COL4A4: variants seen among roughly 807,000 people sequenced by gnomAD.
COL4A4 encodes collagen alpha-4(IV) chain.
A neutral mutation model predicts 192.9 loss-of-function variants in COL4A4; 105 were observed. The ratio of observed to expected loss-of-function variants is 0.54; its 90% CI spans 0.46 to 0.64. The LOEUF (loss-of-function observed/expected upper bound fraction) is 0.64, where lower values mean the gene tolerates loss of function less well. Ranked by LOEUF, COL4A4 falls within the 30% of genes least tolerant of loss-of-function variation. The pLI is 0.00. For missense variants in COL4A4, 1,967 were observed against 2,169.3 expected, an observed-to-expected ratio of 0.91 and a Z score of 1.85; for synonymous variants, 762 against 769.9, an observed-to-expected ratio of 0.99 and a Z score of 0.17.
At chr2:227,060,115 A>AAAAAAC (rs756350276) in intron 27 of COL4A4, 21 bp downstream of exon 27, 4 of 1,305,998 alleles carry the variant, frequency 3.1e-6, no homozygotes, top group South Asian at 2.6e-5. Flanking sequence ...AAAAAAAAAA[A>AAAAAAC]AAAAAAAAAA....
the COL4A4 span, among the ~76,000 whole-genome samples, chr2:226,981,505 AGCACACACTCATGCAAACACATGCAG>A: frequency 1.3e-5 from 2 of 151,862 alleles, no homozygotes; most frequent in Non-Finnish European, 2.9e-5. Context: ...AGCACACACA[AGCACACACTCATGCAAACACATGCAG>A]GCACACACAT....
rs75165562 is a variant in COL4A4, at chr2:227,055,243, G to A, written c.2717-506C>T. Among the ~76,000 whole-genome samples, 349 of 152,110 alleles carry A rather than the reference G, an allele frequency of 2.3e-3. 3 individuals are homozygous for A. The highest frequency in any genetic ancestry group is 7.1e-3 in the African/African-American group (293 of 41,458). On this transcript the variant is annotated intron_variant, in intron 30 of 47. Coordinates refer to ENST00000396625, the MANE Select transcript of COL4A4 (RefSeq NM_000092.5). Reference sequence around the variant, plus strand: ...TTAGTAGCTGGGCTCAGTTGGGCACGGTGACTCAGACCTGCAATCCTGGCA... The same window carrying A: ...TTAGTAGCTGGGCTCAGTTGGGCACAGTGACTCAGACCTGCAATCCTGGCA...
At chr2:227,080,641 T>G in intron 23 of COL4A4, 92 bp from the exon 24 acceptor site, 1 of 1,128,296 alleles carries the variant, frequency 8.9e-7, no homozygotes, top group South Asian at 1.3e-5. Context: ...TGACCTTGAT[T>G]CTGGGTTGGT....
intron 44 of COL4A4, among the ~76,000 whole-genome samples, chr2:227,016,675 G>A (rs561687312): frequency 2.2e-4 from 34 of 152,234 alleles, no homozygotes; most frequent in South Asian, 1.2e-3. Flanking sequence ...GCCTGCCTGA[G>A]AGTGTCCCCT....
chr2:227,060,898 T>G (rs1261716676), intron 26 of COL4A4, among the ~76,000 whole-genome samples: 1 of 152,060 alleles, frequency 6.6e-6, no homozygotes, highest in Non-Finnish European at 1.5e-5. Context: ...TGGCTAATTT[T>G]TTATGTTTTT....
rs762038061 is a variant in COL4A4, at chr2:227,043,189, A to G, written c.3290-5T>C. 1 of 1,612,122 alleles carries G rather than the reference A, an allele frequency of 6.2e-7. No homozygotes were observed. Among genetic ancestry groups the G allele is most frequent in the Admixed American group, 1.7e-5 (1 of 60,018 alleles). ...CTCCGGATGCTCCAAAATGCCCTAA[A>G]GAAGGAAAGATCAAACATCAGAGTT... On this transcript the variant is annotated splice_polypyrimidine_tract_variant and splice_region_variant and intron_variant, in intron 35 of 47. Coordinates refer to ENST00000396625, the MANE Select transcript of COL4A4 (RefSeq NM_000092.5).
chr2:227,061,504 C>T (rs141464298), intron 26 of COL4A4, among the ~76,000 whole-genome samples: 7 of 152,340 alleles, frequency 4.6e-5, no homozygotes, highest in African/African-American at 1.2e-4. Context: ...TAACTTGGAG[C>T]TACACTCTAA....
At position 227,003,495 on chromosome 2, in the gene COL4A4, C is replaced by G. The variant is rs1158179501; in HGVS notation, c.*3830G>C. The G allele has an allele frequency of 6.6e-6, 1 of 152,156 alleles. No homozygotes were observed. Among genetic ancestry groups the G allele is most frequent in the African/African-American group, 2.4e-5 (1 of 41,428 alleles). The allele number at this position is 152,156 out of a possible 1,614,324, so 9.4% of individuals were successfully genotyped here. A position where few individuals can be genotyped will look rare whatever the true frequency, so the allele number is the denominator to read the frequency against. ...TCTTTCCACTATTCTTGCAGCCATA[C>G]CAAGTAAAAGTAACAATTATCAGAT... On this transcript the variant is annotated 3_prime_UTR_variant, in exon 48 of 48. Transcript: ENST00000396625.
At chr2:226,997,476 C>T in the COL4A4 span, 2 of 152,182 alleles carry the variant, frequency 1.3e-5, no homozygotes, top group African/African-American at 4.8e-5. Flanking sequence ...TGTAATGAGG[C>T]CTGAGTCTTA....
chr2:227,156,862 A>G lies in COL4A4; in HGVS notation c.-102+7145T>C, dbSNP rs186750259. Among the ~76,000 whole-genome samples the G allele has an allele frequency of 2.1e-3, 321 of 152,320 alleles. 2 individuals are homozygous for G. Among genetic ancestry groups the G allele is most frequent in the African/African-American group, 7.3e-3 (304 of 41,580 alleles). On this transcript the variant is annotated intron_variant, in intron 1 of 47. Coordinates refer to ENST00000396625, the MANE Select transcript of COL4A4 (RefSeq NM_000092.5). Reference sequence around the variant, plus strand: ...GAAGGAAAAACTGCAAAATTGAAGGAAAAAATAGACAAATCCTAAAATATA... The same window carrying G: ...GAAGGAAAAACTGCAAAATTGAAGGGAAAAATAGACAAATCCTAAAATATA...
intron 19 of COL4A4, 90 bp from the exon 20 acceptor site, chr2:227,094,379 G>T: frequency 7.3e-7 from 1 of 1,363,554 alleles, no homozygotes; most frequent in Non-Finnish European, 1.0e-6. Flanking sequence ...ACTTGCTTAG[G>T]TTATCGAATT....
the COL4A4 span, chr2:226,988,583 T>A: frequency 4.1e-5 from 56 of 1,381,216 alleles, no homozygotes; most frequent in East Asian, 1.2e-3. Flanking sequence ...ATCAGAAACA[T>A]CAGAAGAGGC....
At position 227,147,580 on chromosome 2, in the gene COL4A4, T is replaced by C. The variant is rs994265556; in HGVS notation, c.-97A>G. 1.0e-6 allele frequency: 1 copy of C among 1,004,774 alleles called. No individual in the cohort carries two copies. Among genetic ancestry groups the C allele is most frequent in the Non-Finnish European group, 1.6e-6 (1 of 633,056 alleles). The allele number at this position is 1,004,774 out of a possible 1,614,324, so 62.2% of individuals were successfully genotyped here. A position where few individuals can be genotyped will look rare whatever the true frequency, so the allele number is the denominator to read the frequency against. ...AGGTTCTGTGTTCTGGGTCAAAGTC[T>C]GTTCCTGTTAGATATAAATATATCA... On this transcript the variant is annotated 5_prime_UTR_variant, in exon 2 of 48. Coordinates refer to ENST00000396625, the MANE Select transcript of COL4A4 (RefSeq NM_000092.5).
At chr2:227,151,530 A>G (rs1308842826) in intron 1 of COL4A4, among the ~76,000 whole-genome samples, 1 of 143,010 alleles carries the variant, frequency 7.0e-6, no homozygotes, top group African/African-American at 2.6e-5. Context: ...AAATTTATTC[A>G]ACATAAACAA....
intron 9 of COL4A4, among the ~76,000 whole-genome samples, chr2:227,110,165 G>A (rs2061110516): frequency 6.6e-6 from 1 of 152,198 alleles, no homozygotes; most frequent in Non-Finnish European, 1.5e-5. Context: ...TAGCCTGGAA[G>A]TGTGGAGAGA....
intron 44 of COL4A4, among the ~76,000 whole-genome samples, chr2:227,019,548 G>A (rs900924129): frequency 6.6e-6 from 1 of 152,144 alleles, no homozygotes; most frequent in Admixed American, 6.5e-5. Context: ...CCAACCTTTC[G>A]TTAAGGCTCT....
intron 27 of COL4A4, 31 bp downstream of exon 27, chr2:227,060,105 A>AAAAAAAAC: frequency 1.0e-6 from 1 of 1,002,276 alleles, no homozygotes; most frequent in Non-Finnish European, 1.5e-6. Context: ...AAAGCAGAAA[A>AAAAAAAAC]AAAAAAAAAA....
chr2:226,992,252 G>GC, the COL4A4 span, among the ~76,000 whole-genome samples: 14 of 152,208 alleles, frequency 9.2e-5, no homozygotes, highest in Non-Finnish European at 1.8e-4. Context: ...CCAACGCAGA[G>GC]CACACACACA....
chr2:227,021,097 C>G (rs1338687366), intron 44 of COL4A4, among the ~76,000 whole-genome samples: 1 of 151,970 alleles, frequency 6.6e-6, no homozygotes, highest in Non-Finnish European at 1.5e-5. Flanking sequence ...AAACTCCTGA[C>G]CTCAGGTGAT....
Sources: allele counts gnomAD v4.1 joint callset (sites outside exome capture counted in the v4.1 genomes callset), GRCh38; gene constraint gnomAD v4.1.1; transcripts MANE v1.5; gene names NCBI Gene and HGNC (gene_info 2026-07-23, HGNC 2026-07-21).